ARHGEF10: variants seen among roughly 807,000 people sequenced by gnomAD.
The protein encoded by ARHGEF10 is Rho guanine nucleotide exchange factor 10.
ARHGEF10 carries 140 observed loss-of-function variants against 147.4 expected under a neutral mutation model. That is an observed-to-expected ratio of 0.95 (90% CI 0.83 to 1.09). The LOEUF (loss-of-function observed/expected upper bound fraction) is 1.09. Ranked by LOEUF, ARHGEF10 falls within the 50% of genes least tolerant of loss-of-function variation. The pLI, the probability that ARHGEF10 is intolerant of heterozygous loss-of-function variation, is 0.00. For missense variants in ARHGEF10, 2,222 were observed against 1,752.7 expected (o/e 1.27, Z -4.78); for synonymous variants, 902 against 695.8 (o/e 1.30, Z -4.67).
At chr8:1,832,759 CAG>C (rs1397774580) in intron 1 of ARHGEF10, among the ~76,000 whole-genome samples, 2 of 39,652 alleles carry the variant, frequency 5.0e-5, no homozygotes, top group African/African-American at 1.1e-4. Context: ...GAGACAGAGA[CAG>C]AGGCAGAGAC....
At chr8:1,879,847 C>T (rs1237764523) in intron 8 of ARHGEF10, among the ~76,000 whole-genome samples, 1 of 152,120 alleles carries the variant, frequency 6.6e-6, no homozygotes, top group Non-Finnish European at 1.5e-5. Context: ...GCCACTGCGC[C>T]CAGCCAACTA....
intron 26 of ARHGEF10, among the ~76,000 whole-genome samples, chr8:1,940,646 A>G (rs978063463): frequency 6.6e-6 from 1 of 152,232 alleles, no homozygotes; most frequent in South Asian, 2.1e-4. Flanking sequence ...TGCAGTCAGC[A>G]TGACCCCGAT....
In ARHGEF10 at chr8:1,864,394, A is replaced by G; in HGVS notation, c.503A>G (p.Asp168Gly). ...DEEETPEVTE[D>G]RQPNSLSSEE... ...GCAGAAACACCAGAAGTCACAGAAG[A>G]TCGCCAGCCCAATTCTCTGAGTTCC... Residue 168 changes from aspartate (D) to glycine (G), a missense_variant, in exon 5 of 29, where the codon GAT (aspartate) becomes GGT (glycine). Asp to Gly is a moderately conservative substitution (Grantham distance 94). Coordinates refer to ENST00000349830, the MANE Select transcript of ARHGEF10 (RefSeq NM_014629.4). The G allele has an allele frequency of 6.2e-7, 1 of 1,614,168 alleles. No individual in the cohort carries two copies. The highest frequency in any genetic ancestry group is 8.5e-7 in the Non-Finnish European group (1 of 1,180,034).
At chr8:1,872,512 C>G (rs3735867) in intron 7 of ARHGEF10, among the ~76,000 whole-genome samples, 23,965 of 152,190 alleles carry the variant, frequency 0.16, 1,999 homozygotes, top group South Asian at 0.24. Context: ...ATGACCCTAA[C>G]AAGTAAGCAA....
intron 18 of ARHGEF10, among the ~76,000 whole-genome samples, chr8:1,921,728 T>A (rs1812304142): frequency 8.9e-6 from 1 of 112,644 alleles, no homozygotes; most frequent in South Asian, 4.4e-4. Context: ...AGAGCGACAC[T>A]TCGTCTCAAA....
chr8:1,909,253 C>T lies in ARHGEF10; in HGVS notation c.1968-42C>T, dbSNP rs571457098. 4.5e-5 allele frequency: 73 copies of T among 1,612,168 alleles called. No homozygotes were observed. In the South Asian group the frequency reaches 7.0e-4, roughly 16 times the overall value. On this transcript the variant is annotated intron_variant, in intron 17 of 28. Coordinates refer to ENST00000349830, the MANE Select transcript of ARHGEF10 (RefSeq NM_014629.4). The stretch of plus-strand genomic sequence containing the variant: ...GGGATGAACATTACCATAACGTGTT[C>T]ATGTAATTATTCGTAAAACAAGGAT...
intron 1 of ARHGEF10, among the ~76,000 whole-genome samples, chr8:1,836,628 G>C (rs929748755): frequency 2.6e-5 from 4 of 152,162 alleles, no homozygotes; most frequent in African/African-American, 9.7e-5. Context: ...CTGTGGGGGG[G>C]AGAAGCGCAT....
Position 1,956,967 on chromosome 8 carries a change from C to T in ARHGEF10, c.3739C>T (p.Leu1247=), listed in dbSNP as rs772885479. 2.5e-6 allele frequency: 4 copies of T among 1,614,168 alleles called. No individual in the cohort carries two copies. Among genetic ancestry groups the T allele is most frequent in the African/African-American group, 1.3e-5 (1 of 75,066 alleles). ...CGCAGCCATCTGGTTGGGAGATTCGCTGGGATCGATGACTCAGAAAAGCGA... is the reference window on the plus strand; with the variant it reads ...CGCAGCCATCTGGTTGGGAGATTCGTTGGGATCGATGACTCAGAAAAGCGA... ...PDAAIWLGDS[L]GSMTQKSDLS... is the part of the protein sequence containing the mutation. Residue 1247 remains leucine (L), a synonymous_variant, in exon 29 of 29, where the codon CTG becomes TTG. Coordinates refer to ENST00000349830, the MANE Select transcript of ARHGEF10 (RefSeq NM_014629.4).
intron 26 of ARHGEF10, among the ~76,000 whole-genome samples, chr8:1,941,963 T>A (rs990397050): frequency 2.6e-5 from 4 of 152,126 alleles, no homozygotes; most frequent in Admixed American, 2.6e-4. Context: ...CATACAAAAT[T>A]ATCTCAAATG....
chr8:1,845,302 C>T (rs1389128597), intron 2 of ARHGEF10, among the ~76,000 whole-genome samples: 1 of 152,256 alleles, frequency 6.6e-6, no homozygotes, highest in Non-Finnish European at 1.5e-5. Flanking sequence ...GGCCCCCTCC[C>T]GCCTCCCTGC....
In ARHGEF10 at chr8:1,941,055, T is replaced by A. The variant is rs111693186; in HGVS notation, c.3223-4426T>A. On this transcript the variant is annotated intron_variant, in intron 26 of 28. Transcript: ENST00000349830. ...AAGAAGAAAAGTTTTCCCCTGAAGA[T>A]CAAGAACAAGACAAAGATGCCTTCT... 3.2e-3 allele frequency among the ~76,000 whole-genome samples: 492 copies of A among 152,292 alleles called. 2 individuals are homozygous for A. Among genetic ancestry groups the A allele is most frequent in the Non-Finnish European group, 5.0e-3 (339 of 68,016 alleles).
intron 1 of ARHGEF10, among the ~76,000 whole-genome samples, chr8:1,833,698 G>T (rs533967867): frequency 6.6e-6 from 1 of 152,298 alleles, no homozygotes; most frequent in South Asian, 2.1e-4. Context: ...CCTCATGCCC[G>T]GCCCAGCTTG....
At chr8:1,951,244 C>T (rs1815022464) in intron 27 of ARHGEF10, among the ~76,000 whole-genome samples, 1 of 152,256 alleles carries the variant, frequency 6.6e-6, no homozygotes, top group African/African-American at 2.4e-5. Flanking sequence ...GTAGAGCGGT[C>T]AGCACTTCGG....
chr8:1,937,045 C>T lies in ARHGEF10; in HGVS notation c.3222+3103C>T, dbSNP rs145782092. ...TGCCGTGGATCATGAATAGCATTCCCGCGTGAGTCTTTTTTTGACACAGCC... is the reference window on the plus strand; with the variant it reads ...TGCCGTGGATCATGAATAGCATTCCTGCGTGAGTCTTTTTTTGACACAGCC... On this transcript the variant is annotated intron_variant, in intron 26 of 28. Coordinates refer to ENST00000349830, the MANE Select transcript of ARHGEF10 (RefSeq NM_014629.4). This position sits in a 1 kb window ranked among gnomAD's most constrained non-coding sequence, Gnocchi z 4.9. Among the ~76,000 whole-genome samples the T allele has an allele frequency of 9.3e-4, 141 of 152,314 alleles. No homozygotes were observed. The highest frequency in any genetic ancestry group is 2.9e-3 in the African/African-American group (119 of 41,564).
At chr8:1,857,365 C>G (rs1446936991) in intron 2 of ARHGEF10, among the ~76,000 whole-genome samples, 4 of 151,960 alleles carry the variant, frequency 2.6e-5, no homozygotes, top group Non-Finnish European at 5.9e-5. Context: ...CTGCTGGGTG[C>G]ACAGATTTAA....
In ARHGEF10 at chr8:1,957,502, G is replaced by A. The variant is rs1323323078; in HGVS notation, c.*239G>A. On this transcript the variant is annotated 3_prime_UTR_variant, in exon 29 of 29. Coordinates refer to ENST00000349830, the MANE Select transcript of ARHGEF10 (RefSeq NM_014629.4). The stretch of plus-strand genomic sequence containing the variant: ...AAGGCAGAAGACTGATGCAATTTTC[G>A]AGTAATTGAGTGCAGTTCTGGGAAA... 6.5e-6 allele frequency: 4 copies of A among 614,626 alleles called. No individual in the cohort carries two copies. The highest frequency in any genetic ancestry group is 8.5e-6 in the Non-Finnish European group (3 of 354,776). 38.1% of individuals were successfully genotyped at this position (614,626 alleles called of 1,614,324 possible).
chr8:1,869,266 G>A lies in ARHGEF10; in HGVS notation c.679+16G>A. On this transcript the variant is annotated intron_variant, in intron 7 of 28. Transcript: ENST00000349830. ...TCTGAACCAGGTTTGATTTTGTCTGGAATTGATTTGAGGAGATTCAGCTCA... is the reference window on the plus strand; with the variant it reads ...TCTGAACCAGGTTTGATTTTGTCTGAAATTGATTTGAGGAGATTCAGCTCA... The A allele has an allele frequency of 6.2e-7, 1 of 1,611,842 alleles. No homozygotes were observed. The highest frequency in any genetic ancestry group is 8.5e-7 in the Non-Finnish European group (1 of 1,177,902).
At position 1,933,105 on chromosome 8, in the gene ARHGEF10, A is replaced by G. The variant is rs144449547; in HGVS notation, c.3080-695A>G. Among the ~76,000 whole-genome samples the G allele has an allele frequency of 3.1e-4, 47 of 152,318 alleles. 1 individual carries two copies. Among genetic ancestry groups the G allele is most frequent in the African/African-American group, 1.0e-3 (42 of 41,572 alleles). ...ACCTTGTCAGTAGATCTTTGGATAT[A>G]TTTTCAAACCAGAATATTTCACGAC... On this transcript the variant is annotated intron_variant, in intron 25 of 28. Transcript: ENST00000349830.
intron 26 of ARHGEF10, among the ~76,000 whole-genome samples, chr8:1,944,298 A>T (rs1429861964): frequency 6.6e-6 from 1 of 151,170 alleles, no homozygotes; most frequent in African/African-American, 2.4e-5. Flanking sequence ...GCCTGAGGAC[A>T]CAGTCCTCTC....
Sources: allele counts gnomAD v4.1 joint callset (sites outside exome capture counted in the v4.1 genomes callset), GRCh38; gene constraint gnomAD v4.1.1; non-coding constraint Gnocchi (gnomAD v3.1); transcripts MANE v1.5; gene names NCBI Gene and HGNC (gene_info 2026-07-23, HGNC 2026-07-21).